The following FSTL5 variants were observed in gnomAD, a reference collection of about 807,000 sequenced individuals.
The protein encoded by FSTL5 is follistatin-related protein 5.
A neutral mutation model predicts 89.1 loss-of-function variants in FSTL5; 62 were observed. The observed-to-expected ratio is 0.70, with a 90% CI of 0.57 to 0.86. FSTL5 has a LOEUF of 0.86. FSTL5 is among the 40% of genes least tolerant of loss of function. FSTL5 has a pLI of 0.00. For synonymous variants in FSTL5, 383 were observed against 346.2 expected (o/e 1.11, Z -1.18); for missense variants, 1,057 against 1,001.6 (o/e 1.06, Z -0.75).
intron 3 of FSTL5, among the ~76,000 whole-genome samples, chr4:162,021,647 G>C (rs1737088725): frequency 1.3e-5 from 2 of 152,138 alleles, no homozygotes; most frequent in African/African-American, 4.8e-5. Context: ...AACATGGATG[G>C]AATTGGAGGT....
intron 5 of FSTL5, among the ~76,000 whole-genome samples, chr4:161,764,825 A>C (rs1740936071): frequency 6.6e-6 from 1 of 152,214 alleles, no homozygotes; most frequent in Non-Finnish European, 1.5e-5. Flanking sequence ...AAGTAAAGAT[A>C]CTACAAATAA....
intron 7 of FSTL5, among the ~76,000 whole-genome samples, chr4:161,645,371 A>G (rs1188992902): frequency 2.0e-5 from 3 of 152,134 alleles, no homozygotes; most frequent in Non-Finnish European, 4.4e-5. Context: ...TCCTTTGTAA[A>G]TATTTCTGCC....
chr4:161,750,282 G>T (rs942745498), intron 6 of FSTL5, among the ~76,000 whole-genome samples: 10 of 152,004 alleles, frequency 6.6e-5, no homozygotes, highest in Middle Eastern at 3.2e-3. Context: ...TGTCCAAGAG[G>T]GTAGCCAGTA....
chr4:161,850,116 T>C (rs918565370), intron 4 of FSTL5, among the ~76,000 whole-genome samples: 3 of 152,200 alleles, frequency 2.0e-5, no homozygotes, highest in Non-Finnish European at 4.4e-5. Flanking sequence ...ATTAAGGCTG[T>C]AATTATCATT....
chr4:161,583,648 T>A (rs1733508314), intron 8 of FSTL5, among the ~76,000 whole-genome samples: 1 of 152,186 alleles, frequency 6.6e-6, no homozygotes, highest in Non-Finnish European at 1.5e-5. Context: ...TTTTTCCTTG[T>A]GGTTAAGACT....
chr4:162,039,626 GT>G (rs1455225564), intron 2 of FSTL5, among the ~76,000 whole-genome samples: 7 of 151,944 alleles, frequency 4.6e-5, no homozygotes, highest in African/African-American at 7.2e-5. Context: ...TGACTAATAT[GT>G]ACAATAAAGC....
At chr4:161,684,149 T>C (rs1168876826) in intron 6 of FSTL5, among the ~76,000 whole-genome samples, 2 of 151,324 alleles carry the variant, frequency 1.3e-5, no homozygotes, top group Non-Finnish European at 2.9e-5. Context: ...TTCCATGGTA[T>C]ACTACAATTT....
At chr4:161,535,747 A>G (rs1451496905) in intron 10 of FSTL5, among the ~76,000 whole-genome samples, 2 of 152,150 alleles carry the variant, frequency 1.3e-5, no homozygotes, top group African/African-American at 4.8e-5. Flanking sequence ...TTTAGATCCA[A>G]AATAAAATAA....
At chr4:161,934,556 G>A (rs1335217368) in intron 3 of FSTL5, among the ~76,000 whole-genome samples, 1 of 151,938 alleles carries the variant, frequency 6.6e-6, no homozygotes, top group Non-Finnish European at 1.5e-5. Context: ...ACCTTCTATT[G>A]CCTGAGTTTG....
chr4:161,860,059 T>C lies in FSTL5; in HGVS notation c.409+60345A>G, dbSNP rs557760847. Among the ~76,000 whole-genome samples, 213 of 152,212 alleles carry C rather than the reference T, an allele frequency of 1.4e-3. 2 individuals are homozygous for C. Among genetic ancestry groups the C allele is most frequent in the African/African-American group, 3.4e-3 (141 of 41,544 alleles). The stretch of plus-strand genomic sequence containing the variant: ...ATCACAGCACTTTGGGAGGCCAAGG[T>C]GGGCGGATCACAAGGTCAGGAGATC... On this transcript the variant is annotated intron_variant, in intron 4 of 15. Transcript: ENST00000306100.
rs1167877306 is a variant in FSTL5 at position 161,627,036 on chromosome 4, C to CA, written c.894+29291dup. Among the ~76,000 whole-genome samples the CA allele has an allele frequency of 9.9e-5, 15 of 152,056 alleles. No individual in the cohort carries two copies. The East Asian group carries it at 2.5e-3, about 25-fold the overall frequency. On this transcript the variant is annotated intron_variant, in intron 7 of 15. Coordinates refer to ENST00000306100, the MANE Select transcript of FSTL5 (RefSeq NM_020116.5). The stretch of plus-strand genomic sequence containing the variant: ...AGATGCATGAAAATTGTTTAAATGA[C>CA]AAAAAATGATTTAGGAGATTATGTA...
At chr4:162,078,498 C>T (rs1003128405) in intron 2 of FSTL5, among the ~76,000 whole-genome samples, 4 of 151,782 alleles carry the variant, frequency 2.6e-5, no homozygotes, top group African/African-American at 7.2e-5. Context: ...GTAACCAATA[C>T]ATGATGCCGT....
At chr4:161,692,098 T>G (rs1446106133) in intron 6 of FSTL5, among the ~76,000 whole-genome samples, 1 of 152,156 alleles carries the variant, frequency 6.6e-6, no homozygotes, top group Non-Finnish European at 1.5e-5. Flanking sequence ...TTTTCATGTA[T>G]GACTTGCAGT....
intron 4 of FSTL5, among the ~76,000 whole-genome samples, chr4:161,859,938 G>C (rs1731846627): frequency 6.6e-6 from 1 of 152,146 alleles, no homozygotes; most frequent in Admixed American, 6.6e-5. Context: ...AATGGAAAAG[G>C]ACATGGTAGG....
At chr4:161,609,489 T>C (rs1734568061) in intron 7 of FSTL5, among the ~76,000 whole-genome samples, 1 of 152,300 alleles carries the variant, frequency 6.6e-6, no homozygotes, top group African/African-American at 2.4e-5. Flanking sequence ...TTAAATTATG[T>C]ATTTCATTGG....
intron 4 of FSTL5, among the ~76,000 whole-genome samples, chr4:161,906,070 A>G (rs751501856): frequency 1.3e-5 from 2 of 152,146 alleles, no homozygotes; most frequent in Non-Finnish European, 2.9e-5. Context: ...CTTCACTGAT[A>G]TCAGGAATAA....
chr4:161,602,246 GGAGAGAAA>G (rs1255799219), intron 7 of FSTL5, among the ~76,000 whole-genome samples: 229 of 87,452 alleles, frequency 2.6e-3, no homozygotes, highest in East Asian at 9.1e-3. Flanking sequence ...TGAGAGAGAG[GGAGAGAAA>G]GAGAGAGAGA....
intron 3 of FSTL5, among the ~76,000 whole-genome samples, chr4:161,979,667 G>A (rs1265994670): frequency 6.6e-6 from 1 of 151,870 alleles, no homozygotes; most frequent in African/African-American, 2.4e-5. Flanking sequence ...GTACAAAGGG[G>A]TACCCATAAC....
chr4:161,400,293 G>C (rs1288351708), intron 15 of FSTL5, among the ~76,000 whole-genome samples: 3 of 152,062 alleles, frequency 2.0e-5, no homozygotes, highest in South Asian at 2.1e-4. Context: ...AAAATATATA[G>C]ATAGGTACAT....
Sources: allele counts gnomAD v4.1 joint callset (sites outside exome capture counted in the v4.1 genomes callset), GRCh38; gene constraint gnomAD v4.1.1; transcripts MANE v1.5; gene names NCBI Gene and HGNC (gene_info 2026-07-23, HGNC 2026-07-21).